Variants in ATAD3C observed in about 807,000 individuals in gnomAD.
ATAD3C encodes the protein ATPase family AAA domain containing 3C.
In ATAD3C, 38 loss-of-function variants were observed where a neutral mutation model predicts 46.3. The observed-to-expected ratio is 0.82, with a 90% CI of 0.63 to 1.08. The LOEUF (loss-of-function observed/expected upper bound fraction) is 1.08. Among genes scored for constraint, ATAD3C ranks in the 50% least tolerant of loss-of-function variants. The pLI, the probability that ATAD3C is intolerant of heterozygous loss-of-function variation, is 0.00. For synonymous variants in ATAD3C, 220 were observed against 236.4 expected, an observed-to-expected ratio of 0.93 and a Z score of 0.63; for missense variants, 563 against 572.7, an observed-to-expected ratio of 0.98 and a Z score of 0.17.
chr1:1,462,579 A>C lies in ATAD3C; in HGVS notation c.981-21A>C, dbSNP rs376187888. 1,263 of 1,574,638 alleles carry C rather than the reference A, an allele frequency of 8.0e-4. 35 individuals carry two copies. In the South Asian group the frequency reaches 0.014, roughly 17 times the overall value. ...TGGGAGCTGCTGCCTTGGCCGGCCC[A>C]CTTGGGAACTCCTTCCCCAGGCGTC... On this transcript the variant is annotated intron_variant, in intron 10 of 11. Transcript: ENST00000378785. This position sits in a 1 kb window ranked among gnomAD's most constrained non-coding sequence, Gnocchi z 4.5.
chr1:1,450,890 T>G (rs1370550589), intron 1 of ATAD3C, 132 bp downstream of exon 1: 1 of 1,407,518 alleles, frequency 7.1e-7, no homozygotes, highest in African/African-American at 1.4e-5. Flanking sequence ...GGGCCAAGCT[T>G]GGGCGCCTCA....
rs746074727 is a variant in ATAD3C, at chr1:1,468,683, G to T, written c.*153G>T. 43 of 1,449,880 alleles carry T rather than the reference G, an allele frequency of 3.0e-5. No homozygotes were observed. Among genetic ancestry groups the T allele is most frequent in the Non-Finnish European group, 3.8e-5 (41 of 1,068,442 alleles). 89.8% of individuals were successfully genotyped at this position (1,449,880 alleles called of 1,614,324 possible). A position where few individuals can be genotyped will look rare whatever the true frequency, so the allele number is the denominator to read the frequency against. ...TTGGCTGACACGGGGCGGGGTTTGG[G>T]GCCCCCTAACGTCCCCCTGGGGTCA... On this transcript the variant is annotated 3_prime_UTR_variant, in exon 12 of 12. Coordinates refer to ENST00000378785, the MANE Select transcript of ATAD3C (RefSeq NM_001039211.3).
intron 11 of ATAD3C, among the ~76,000 whole-genome samples, chr1:1,467,146 G>A (rs1367859965): frequency 6.6e-6 from 1 of 151,994 alleles, no homozygotes; most frequent in Non-Finnish European, 1.5e-5. Flanking sequence ...CACCCAGGAG[G>A]CCACGTGACA....
chr1:1,458,353 C>G (rs1385251478), intron 8 of ATAD3C, among the ~76,000 whole-genome samples: 2 of 151,886 alleles, frequency 1.3e-5, no homozygotes, highest in Non-Finnish European at 1.5e-5. Flanking sequence ...TGGCTCACCG[C>G]AACCTCCGCC....
chr1:1,466,878 A>T (rs1639153786), intron 11 of ATAD3C, among the ~76,000 whole-genome samples: 1 of 152,030 alleles, frequency 6.6e-6, no homozygotes, highest in Non-Finnish European at 1.5e-5. Flanking sequence ...CTGGCCTCTT[A>T]GGATGAGTGA....
chr1:1,461,681 T>TCGGG (rs1553199334), intron 10 of ATAD3C, among the ~76,000 whole-genome samples: 1 of 150,878 alleles, frequency 6.6e-6, no homozygotes, highest in African/African-American at 2.5e-5. Context: ...GACCCCCATG[T>TCGGG]AGGGACTGGA....
chr1:1,463,999 G>A (rs1570158287), intron 11 of ATAD3C, among the ~76,000 whole-genome samples: 2 of 151,324 alleles, frequency 1.3e-5, no homozygotes, highest in African/African-American at 4.9e-5. Context: ...GAGGCCAGGA[G>A]TTCGAGACCA....
chr1:1,462,478 A>T lies in ATAD3C; in HGVS notation c.981-122A>T. Reference sequence around the variant, plus strand: ...GGGGCGGAACTTGGCTGTCACAGGTAGAGAGTCCCTCTCAAGGGGGCATCT... The same window carrying T: ...GGGGCGGAACTTGGCTGTCACAGGTTGAGAGTCCCTCTCAAGGGGGCATCT... On this transcript the variant is annotated intron_variant, in intron 10 of 11. Transcript: ENST00000378785. The surrounding 1 kb of genome is among the most constrained non-coding windows in gnomAD (Gnocchi z 4.5). 9.7e-7 allele frequency: 1 copy of T among 1,036,092 alleles called. No individual in the cohort carries two copies. The highest frequency in any genetic ancestry group is 1.4e-6 in the Non-Finnish European group (1 of 692,306). The allele number at this position is 1,036,092 out of a possible 1,614,324, so 64.2% of individuals were successfully genotyped here. A position where few individuals can be genotyped will look rare whatever the true frequency, so the allele number is the denominator to read the frequency against.
At chr1:1,453,868 C>T (rs960022283) in intron 3 of ATAD3C, among the ~76,000 whole-genome samples, 2 of 150,192 alleles carry the variant, frequency 1.3e-5, no homozygotes, top group Admixed American at 6.7e-5. Context: ...CTTCAACTCT[C>T]GACCTCAGGT....
intron 11 of ATAD3C, among the ~76,000 whole-genome samples, chr1:1,463,214 A>G (rs1333316869): frequency 6.6e-6 from 1 of 152,026 alleles, no homozygotes; most frequent in Admixed American, 6.6e-5. Flanking sequence ...CTGCAGCTCC[A>G]TGGCTGCCCC....
At chr1:1,461,648 C>T (rs372396535) in intron 10 of ATAD3C, among the ~76,000 whole-genome samples, 6,934 of 110,816 alleles carry the variant, frequency 0.063, 414 homozygotes, top group African/African-American at 0.29. Flanking sequence ...CATGTAGGGA[C>T]TGGAGGGAGA....
chr1:1,451,818 G>A (rs1293860141), intron 1 of ATAD3C, among the ~76,000 whole-genome samples: 1 of 152,062 alleles, frequency 6.6e-6, no homozygotes, highest in Non-Finnish European at 1.5e-5. Flanking sequence ...AGCCACAGTG[G>A]GGGCTGTTTC....
intron 11 of ATAD3C, among the ~76,000 whole-genome samples, chr1:1,463,380 G>A (rs2100489343): frequency 1.3e-5 from 2 of 152,140 alleles, no homozygotes; most frequent in South Asian, 2.1e-4. Flanking sequence ...CAGAGTCTGT[G>A]TGACAATCTG....
intron 11 of ATAD3C, among the ~76,000 whole-genome samples, chr1:1,463,104 A>G (rs1639096535): frequency 6.6e-6 from 1 of 152,012 alleles, no homozygotes; most frequent in Non-Finnish European, 1.5e-5. Context: ...TTCTTGGACC[A>G]AGTCCATTGG....
At position 1,469,924 on chromosome 1, in the gene ATAD3C, G is replaced by T. The variant is rs1468503325; in HGVS notation, c.*1394G>T. 2.0e-5 allele frequency: 3 copies of T among 151,846 alleles called. No homozygotes were observed. Among genetic ancestry groups the T allele is most frequent in the African/African-American group, 7.3e-5 (3 of 41,326 alleles). 9.4% of individuals were successfully genotyped at this position (151,846 alleles called of 1,614,324 possible). A position where few individuals can be genotyped will look rare whatever the true frequency, so the allele number is the denominator to read the frequency against. ...TGTGATTTGTTTCTGCCCCACCCTA[G>T]CTGATCAATGTACTTTGCAATCTCC... On this transcript the variant is annotated 3_prime_UTR_variant, in exon 12 of 12. Transcript: ENST00000378785.
intron 11 of ATAD3C, among the ~76,000 whole-genome samples, chr1:1,463,385 A>C (rs1223250517): frequency 6.6e-6 from 1 of 152,112 alleles, no homozygotes; most frequent in African/African-American, 2.4e-5. Flanking sequence ...TCTGTGTGAC[A>C]ATCTGGTCAC....
intron 8 of ATAD3C, 113 bp downstream of exon 8, chr1:1,457,293 G>T (rs1305148828): frequency 4.5e-6 from 7 of 1,554,940 alleles, no homozygotes; most frequent in Non-Finnish European, 6.2e-6. Flanking sequence ...TAAGTTTTGT[G>T]TGAAAAACAC....
At chr1:1,453,940 C>T (rs550811690) in intron 3 of ATAD3C, among the ~76,000 whole-genome samples, 32 of 152,044 alleles carry the variant, frequency 2.1e-4, no homozygotes, top group East Asian at 5.8e-4. Context: ...TGTGCCCAGC[C>T]GGCCTAATTG....
intron 1 of ATAD3C, 93 bp downstream of exon 1, chr1:1,450,851 G>C: frequency 6.4e-7 from 1 of 1,564,436 alleles, no homozygotes; most frequent in Non-Finnish European, 8.7e-7. Flanking sequence ...TAGGGCCGGG[G>C]GTGTGTACAT....
Sources: allele counts gnomAD v4.1 joint callset (sites outside exome capture counted in the v4.1 genomes callset), GRCh38; gene constraint gnomAD v4.1.1; non-coding constraint Gnocchi (gnomAD v3.1); transcripts MANE v1.5; gene names NCBI Gene and HGNC (gene_info 2026-07-23, HGNC 2026-07-21).